Variants in MAN1C1 observed in about 807,000 individuals in gnomAD.
The protein encoded by MAN1C1 is mannosidase alpha class 1C member 1, also known as mannosyl-oligosaccharide 1,2-alpha-mannosidase IC.
In MAN1C1, 49 loss-of-function variants were observed where a neutral mutation model predicts 71.5. The observed-to-expected ratio is 0.69, with a 90% CI of 0.54 to 0.87. The LOEUF is 0.87. Ranked by LOEUF, MAN1C1 falls within the 40% of genes least tolerant of loss-of-function variation. MAN1C1 has a pLI of 0.00. For missense variants in MAN1C1, 743 were observed against 835.0 expected, an observed-to-expected ratio of 0.89 and a Z score of 1.36; for synonymous variants, 352 against 343.7, an observed-to-expected ratio of 1.02 and a Z score of -0.27.
rs571287498 is a variant in MAN1C1, at chr1:25,769,123, C to G, written c.1142-2534C>G. On this transcript the variant is annotated intron_variant, in intron 7 of 11. Coordinates refer to ENST00000374332, the MANE Select transcript of MAN1C1 (RefSeq NM_020379.4). This position sits in a 1 kb window ranked among gnomAD's most constrained non-coding sequence, Gnocchi z 4.8. Reference sequence around the variant, plus strand: ...CTCCCTCCCACACACACACCACACACTCCCTTCACACACTACACACTCCCC... The same window carrying G: ...CTCCCTCCCACACACACACCACACAGTCCCTTCACACACTACACACTCCCC... Among the ~76,000 whole-genome samples, 2 of 144,584 alleles carry G rather than the reference C, an allele frequency of 1.4e-5. No homozygotes were observed. The highest frequency in any genetic ancestry group is 4.3e-4 in the East Asian group (2 of 4,658). The allele number at this position is 144,584 out of a possible 152,430, so 94.9% of individuals were successfully genotyped here. A position where few individuals can be genotyped will look rare whatever the true frequency, so the allele number is the denominator to read the frequency against.
intron 7 of MAN1C1, among the ~76,000 whole-genome samples, chr1:25,765,630 G>A (rs2047417466): frequency 2.0e-5 from 3 of 152,224 alleles, no homozygotes; most frequent in Non-Finnish European, 2.9e-5. Flanking sequence ...ATGGAGGGGC[G>A]TAGGAAGAAT....
chr1:25,627,751 G>T (rs1367300229), intron 1 of MAN1C1, among the ~76,000 whole-genome samples: 1 of 151,962 alleles, frequency 6.6e-6, no homozygotes, highest in Non-Finnish European at 1.5e-5. Flanking sequence ...CTTGCTGGGA[G>T]GCCAGGCATG....
chr1:25,782,712 G>A lies in MAN1C1; in HGVS notation c.1766+12G>A, dbSNP rs1321206373. ...GCGGAGACACTAAAGTGAGCAGTGT[G>A]GGCTCTTCCTAGGGATGGACAGGTG... is the stretch of plus-strand genomic sequence containing the variant. On this transcript the variant is annotated intron_variant, in intron 11 of 11. Transcript: ENST00000374332. This position sits in a 1 kb window ranked among gnomAD's most constrained non-coding sequence, Gnocchi z 4.4. The A allele has an allele frequency of 1.9e-6, 3 of 1,598,490 alleles. No homozygotes were observed. Among genetic ancestry groups the A allele is most frequent in the South Asian group, 1.1e-5 (1 of 90,778 alleles).
chr1:25,677,138 G>A (rs2046080145), intron 1 of MAN1C1, among the ~76,000 whole-genome samples: 1 of 152,104 alleles, frequency 6.6e-6, no homozygotes, highest in Admixed American at 6.5e-5. Context: ...TAAATATTTT[G>A]CACTAAAAAA....
intron 1 of MAN1C1, among the ~76,000 whole-genome samples, chr1:25,680,797 G>A (rs914828583): frequency 1.3e-5 from 2 of 152,200 alleles, no homozygotes; most frequent in Non-Finnish European, 2.9e-5. Flanking sequence ...TTGTGTGGCT[G>A]TATGTTGTTA....
At chr1:25,723,588 A>T (rs999584002) in intron 2 of MAN1C1, among the ~76,000 whole-genome samples, 14 of 152,322 alleles carry the variant, frequency 9.2e-5, no homozygotes, top group African/African-American at 3.4e-4. Context: ...TTAAAAAATT[A>T]TACCGTTGTC....
intron 2 of MAN1C1, among the ~76,000 whole-genome samples, chr1:25,714,742 A>G (rs1305723920): frequency 6.6e-6 from 1 of 152,208 alleles, no homozygotes. Context: ...GGTAGAATCA[A>G]TGAAGCTTTG....
intron 1 of MAN1C1, among the ~76,000 whole-genome samples, chr1:25,675,599 G>C (rs542012352): frequency 1.2e-4 from 18 of 149,218 alleles, no homozygotes; most frequent in African/African-American, 4.2e-4. Flanking sequence ...GGGGGGGGAG[G>C]TGGTTACCCA....
Position 25,618,067 on chromosome 1 carries a change from C to T in MAN1C1, c.270C>T (p.Ala90=), listed in dbSNP as rs2045136168. The T allele has an allele frequency of 1.3e-6, 2 of 1,544,568 alleles. No homozygotes were observed. The stretch of plus-strand genomic sequence containing the variant: ...CCAACCCGGCCCCCGCCGCGCCGGC[C>T]CCGGGCGAGGATGACCCCAGCAGCT... The part of the protein sequence containing the change: ...PPPNPAPAAP[A]PGEDDPSSWA... The change falls in exon 1 of 12, where the codon GCC becomes GCT. Residue 90 remains alanine, a synonymous_variant. Coordinates refer to ENST00000374332, the MANE Select transcript of MAN1C1 (RefSeq NM_020379.4).
chr1:25,728,777 G>T (rs1200971299), intron 2 of MAN1C1, among the ~76,000 whole-genome samples: 1 of 152,172 alleles, frequency 6.6e-6, no homozygotes, highest in Non-Finnish European at 1.5e-5. Context: ...CGCAGTGCCT[G>T]CCTGGGCGGC....
chr1:25,681,120 A>T (rs553331282), intron 1 of MAN1C1, among the ~76,000 whole-genome samples: 10 of 151,874 alleles, frequency 6.6e-5, no homozygotes, highest in Non-Finnish European at 1.3e-4. Context: ...CAGCTACTCA[A>T]GAGGCTGAGG....
chr1:25,746,822 C>A lies in MAN1C1; in HGVS notation c.753+39C>A, dbSNP rs769191800. On this transcript the variant is annotated intron_variant, in intron 3 of 11. Transcript: ENST00000374332. The surrounding 1 kb of genome is among the most constrained non-coding windows in gnomAD (Gnocchi z 4.0). ...CCTCGGCGGGGGAGGGGGGCGGGGG[C>A]CAGAAGAGGCCCAACAGCCAGCTTC... 1.5e-4 allele frequency: 197 copies of A among 1,280,610 alleles called. 2 individuals are homozygous for A. In the Middle Eastern group the frequency reaches 9.3e-3, roughly 60 times the overall value. The allele number at this position is 1,280,610 out of a possible 1,614,324, so 79.3% of individuals were successfully genotyped here.
intron 1 of MAN1C1, among the ~76,000 whole-genome samples, chr1:25,679,312 A>T (rs1361694866): frequency 6.6e-6 from 1 of 152,176 alleles, no homozygotes; most frequent in Non-Finnish European, 1.5e-5. Context: ...GGAGAAACCA[A>T]AATAGCTAGT....
intron 2 of MAN1C1, among the ~76,000 whole-genome samples, chr1:25,700,132 G>C (rs1395715603): frequency 6.6e-6 from 1 of 152,026 alleles, no homozygotes; most frequent in Non-Finnish European, 1.5e-5. Flanking sequence ...TTGTTTTTTT[G>C]TTGTTGTTTT....
At chr1:25,781,951 C>T (rs890091864) in intron 10 of MAN1C1, among the ~76,000 whole-genome samples, 11 of 152,190 alleles carry the variant, frequency 7.2e-5, no homozygotes, top group African/African-American at 1.7e-4. Flanking sequence ...GGCATGGTGA[C>T]GCACGCCTAT....
intron 2 of MAN1C1, among the ~76,000 whole-genome samples, chr1:25,695,485 C>G (rs570317562): frequency 1.2e-4 from 19 of 152,250 alleles, no homozygotes; most frequent in African/African-American, 4.1e-4. Context: ...GACATGTGCA[C>G]AATTCCTCGG....
Position 25,617,954 on chromosome 1 carries a change from T to G in MAN1C1, c.157T>G (p.Phe53Val). 3 of 1,608,698 alleles carry G rather than the reference T, an allele frequency of 1.9e-6. No individual in the cohort carries two copies. The highest frequency in any genetic ancestry group is 4.5e-5 in the East Asian group (2 of 44,266). ...LPHSSRLKRL[F>V]LAPRTQQPGL... ...CCACTCCTCTCGCCTCAAGCGCCTC[T>G]TCCTGGCCCCCCGGACCCAGCAGCC... The change falls in exon 1 of 12, where the codon TTC becomes GTC. Residue 53 changes from phenylalanine (F) to valine (V), a missense_variant. By Grantham distance (50) the Phe-to-Val change is conservative. Coordinates refer to ENST00000374332, the MANE Select transcript of MAN1C1 (RefSeq NM_020379.4). This position sits in a 1 kb window ranked among gnomAD's most constrained non-coding sequence, Gnocchi z 5.1.
Position 25,686,536 on chromosome 1 carries a change from G to A in MAN1C1, c.637G>A (p.Gly213Arg), listed in dbSNP as rs2046233993. ...TKDGYEGNMFGGLSGATVIDS... is the reference protein window; with the variant it reads ...TKDGYEGNMFRGLSGATVIDS... ...AGATGGCTACGAGGGTAACATGTTC[G>A]GTGAGTCGATTCAAACCACTTTGAT... Residue 213 changes from glycine (G) to arginine (R), a missense_variant and splice_region_variant, in exon 2 of 12, where the codon GGA becomes AGA. Physicochemically the swap from Gly to Arg is moderately radical, Grantham distance 125 (BLOSUM62 -2). Transcript: ENST00000374332. 3.7e-6 allele frequency: 6 copies of A among 1,613,716 alleles called. No individual in the cohort carries two copies. Among genetic ancestry groups the A allele is most frequent in the Non-Finnish European group, 4.2e-6 (5 of 1,179,762 alleles).
intron 1 of MAN1C1, among the ~76,000 whole-genome samples, chr1:25,658,456 G>T (rs1048180020): frequency 1.3e-5 from 2 of 152,098 alleles, no homozygotes; most frequent in Non-Finnish European, 2.9e-5. Context: ...ACTTGCTGCT[G>T]CTTCTTTTTT....
Sources: allele counts gnomAD v4.1 joint callset (sites outside exome capture counted in the v4.1 genomes callset), GRCh38; gene constraint gnomAD v4.1.1; non-coding constraint Gnocchi (gnomAD v3.1); transcripts MANE v1.5; gene names NCBI Gene and HGNC (gene_info 2026-07-23, HGNC 2026-07-21).